The following GRID2 variants were observed in gnomAD, a reference collection of about 807,000 sequenced individuals.
The protein encoded by GRID2 is glutamate receptor ionotropic, delta-2.
Under a neutral mutation model 114.8 loss-of-function variants are expected in GRID2, and 33 were observed. The observed-to-expected ratio is 0.29, with a 90% CI of 0.22 to 0.38. The LOEUF is 0.38. Ranked by LOEUF, GRID2 falls within the 10% of genes least tolerant of loss-of-function variation. The pLI is 1.00. For synonymous variants in GRID2, 505 were observed against 449.9 expected, an observed-to-expected ratio of 1.12 and a Z score of -1.55; for missense variants, 1,184 against 1,257.7, an observed-to-expected ratio of 0.94 and a Z score of 0.89.
At position 92,571,621 on chromosome 4, in the gene GRID2, A is replaced by G. The variant is rs1727628723; in HGVS notation, c.89-18510A>G. ...CACCGCACTTATTCCAAAATTGACC[A>G]CATAGTTGGAAGTAAAGCACTCCTC... On this transcript the variant is annotated intron_variant, in intron 1 of 15. Transcript: ENST00000282020. 3.3e-5 allele frequency among the ~76,000 whole-genome samples: 5 copies of G among 152,166 alleles called. No homozygotes were observed. In the South Asian group the frequency reaches 1.0e-3, roughly 32 times the overall value.
At chr4:92,823,072 A>C (rs1741404865) in intron 2 of GRID2, 1 of 152,156 alleles carries the variant, frequency 6.6e-6, no homozygotes, top group African/African-American at 2.4e-5. Context: ...AAATATAGGC[A>C]TAGGATGGAA....
At chr4:93,195,266 G>A (rs555532248) in intron 4 of GRID2, among the ~76,000 whole-genome samples, 2 of 152,298 alleles carry the variant, frequency 1.3e-5, no homozygotes, top group East Asian at 3.9e-4. Context: ...GGAAGCACAA[G>A]TGAGGAAGTG....
intron 3 of GRID2, among the ~76,000 whole-genome samples, chr4:93,102,419 T>G (rs1272262006): frequency 6.6e-6 from 1 of 152,164 alleles, no homozygotes; most frequent in African/African-American, 2.4e-5. Flanking sequence ...ATGTACACAT[T>G]TGTTACCCAT....
At chr4:92,385,024 A>G (rs1182046277) in intron 1 of GRID2, among the ~76,000 whole-genome samples, 1 of 151,686 alleles carries the variant, frequency 6.6e-6, no homozygotes, top group Non-Finnish European at 1.5e-5. Context: ...TGATTCACAT[A>G]TAATTTGTCT....
At chr4:93,044,532 A>G (rs982824860) in intron 2 of GRID2, among the ~76,000 whole-genome samples, 1 of 152,196 alleles carries the variant, frequency 6.6e-6, no homozygotes, top group Non-Finnish European at 1.5e-5. Context: ...GATCTGCAGT[A>G]AAGTTAAAGT....
chr4:93,242,669 G>A (rs1747681044), intron 8 of GRID2, among the ~76,000 whole-genome samples: 1 of 151,928 alleles, frequency 6.6e-6, no homozygotes, highest in African/African-American at 2.4e-5. Flanking sequence ...TATTAGTATG[G>A]ATTAAGTGAG....
At chr4:93,498,814 C>A (rs188203585) in intron 12 of GRID2, among the ~76,000 whole-genome samples, 1 of 151,912 alleles carries the variant, frequency 6.6e-6, no homozygotes, top group Admixed American at 6.6e-5. Context: ...AATACTATGT[C>A]AAATTAAGAG....
intron 1 of GRID2, among the ~76,000 whole-genome samples, chr4:92,536,854 A>G (rs940619009): frequency 6.6e-6 from 1 of 152,212 alleles, no homozygotes. Flanking sequence ...TAGACCTGAA[A>G]AAAATGTTTC....
chr4:92,859,813 G>C (rs17019938), intron 2 of GRID2, among the ~76,000 whole-genome samples: 2,253 of 152,208 alleles, frequency 0.015, 29 homozygotes, highest in East Asian at 0.075. Context: ...TGCCTACCTA[G>C]AGTAGAGTTT....
At chr4:93,472,053 G>A (rs939552530) in intron 11 of GRID2, among the ~76,000 whole-genome samples, 4 of 151,344 alleles carry the variant, frequency 2.6e-5, no homozygotes, top group South Asian at 2.1e-4. Flanking sequence ...GGCCAGGCGC[G>A]GTGGCTCACA....
At chr4:93,260,015 A>G (rs1345505863) in intron 8 of GRID2, among the ~76,000 whole-genome samples, 1 of 151,750 alleles carries the variant, frequency 6.6e-6, no homozygotes, top group African/African-American at 2.4e-5. Context: ...AGACTTAGGT[A>G]AATTAGTATT....
chr4:92,356,644 G>GTA (rs1728341522), intron 1 of GRID2, among the ~76,000 whole-genome samples: 2 of 151,674 alleles, frequency 1.3e-5, no homozygotes, highest in Admixed American at 6.6e-5. Context: ...GTTTATGCAT[G>GTA]TATATATATC....
At chr4:92,497,582 A>G (rs771633089) in intron 1 of GRID2, among the ~76,000 whole-genome samples, 8 of 151,950 alleles carry the variant, frequency 5.3e-5, no homozygotes, top group Non-Finnish European at 8.8e-5. Flanking sequence ...CTTTACATGT[A>G]AGACATCTTA....
chr4:92,690,225 A>G (rs1490184578), intron 2 of GRID2, among the ~76,000 whole-genome samples: 3 of 152,034 alleles, frequency 2.0e-5, no homozygotes, highest in African/African-American at 2.4e-5. Context: ...AAAAAAGTAT[A>G]TGACTCTTCA....
chr4:92,572,829 C>A (rs1052663551), intron 1 of GRID2, among the ~76,000 whole-genome samples: 5 of 151,886 alleles, frequency 3.3e-5, no homozygotes, highest in African/African-American at 7.3e-5. Context: ...ATGATGATGG[C>A]CTCATAGAAT....
intron 2 of GRID2, among the ~76,000 whole-genome samples, chr4:92,883,413 C>T (rs1213619271): frequency 2.6e-5 from 4 of 152,138 alleles, no homozygotes; most frequent in Admixed American, 6.6e-5. Flanking sequence ...TTCTCCCAAA[C>T]TCCTTTTAAT....
rs186324680 is a variant in GRID2, at chr4:93,607,292, A to T, written c.2194-18977A>T. ...AGTCCTGGTCATTGTTGGTTTAAAA[A>T]ATAGGATTACATTATAAATACTTTC... On this transcript the variant is annotated intron_variant, in intron 13 of 15. Transcript: ENST00000282020. Among the ~76,000 whole-genome samples, 493 of 152,298 alleles carry T rather than the reference A, an allele frequency of 3.2e-3. 2 individuals are homozygous for T. The highest frequency in any genetic ancestry group is 6.4e-3 in the South Asian group (31 of 4,832).
intron 2 of GRID2, among the ~76,000 whole-genome samples, chr4:93,061,391 C>T (rs1465824957): frequency 4.0e-5 from 6 of 151,640 alleles, no homozygotes; most frequent in South Asian, 4.2e-4. Flanking sequence ...AGATAGTAGA[C>T]GTACCAGAGA....
intron 8 of GRID2, chr4:93,302,557 C>T (rs1024502965): frequency 6.6e-6 from 3 of 456,042 alleles, no homozygotes; most frequent in Non-Finnish European, 1.3e-5. Context: ...CATATGTACG[C>T]ACAACTGAAA....
Sources: allele counts gnomAD v4.1 joint callset (sites outside exome capture counted in the v4.1 genomes callset), GRCh38; gene constraint gnomAD v4.1.1; transcripts MANE v1.5; gene names NCBI Gene and HGNC (gene_info 2026-07-23, HGNC 2026-07-21).